Variants in SLC2A12 observed in about 807,000 individuals in gnomAD.
SLC2A12 encodes solute carrier family 2 member 12.
A neutral mutation model predicts 41.8 loss-of-function variants in SLC2A12; 23 were observed. The observed-to-expected ratio is 0.55, with a 90% CI of 0.40 to 0.78. The LOEUF is 0.78. Among genes scored for constraint, SLC2A12 ranks in the 30% least tolerant of loss-of-function variants. The pLI is 0.00. For synonymous variants in SLC2A12, 295 were observed against 285.9 expected, an observed-to-expected ratio of 1.03 and a Z score of -0.32; for missense variants, 654 against 745.6, an observed-to-expected ratio of 0.88 and a Z score of 1.43.
rs1562201687 is a variant in SLC2A12, at chr6:134,032,448, AAAT to A, written c.104-2730_104-2728del. Reference sequence around the variant, plus strand: ...TATTTATATATATATATATATATATAAATATATATATATATATTTTTATATATA... The same window carrying A: ...TATTTATATATATATATATATATATAATATATATATATATTTTTATATATA... On this transcript the variant is annotated intron_variant, in intron 1 of 4. Transcript: ENST00000275230. Among the ~76,000 whole-genome samples the A allele has an allele frequency of 1.0e-3, 36 of 35,140 alleles. 1 individual carries two copies. The highest frequency in any genetic ancestry group is 8.8e-3 in the East Asian group (20 of 2,282). 23.1% of individuals were successfully genotyped at this position (35,140 alleles called of 152,430 possible).
intron 2 of SLC2A12, among the ~76,000 whole-genome samples, chr6:134,022,789 T>TG (rs35288575): frequency 6.6e-6 from 1 of 152,120 alleles, no homozygotes; most frequent in South Asian, 2.1e-4. Context: ...ACAAACAAAA[T>TG]GGAGTCAGGA....
chr6:134,039,862 C>T (rs935603715), intron 1 of SLC2A12, among the ~76,000 whole-genome samples: 1 of 151,866 alleles, frequency 6.6e-6, no homozygotes, highest in Non-Finnish European at 1.5e-5. Context: ...CTCCCTCCAC[C>T]CCACTCTCTC....
chr6:134,028,753 A>G lies in SLC2A12; in HGVS notation c.1072T>C (p.Leu358=). 6.2e-7 allele frequency: 1 copy of G among 1,614,204 alleles called. No homozygotes were observed. The highest frequency in any genetic ancestry group is 8.5e-7 in the Non-Finnish European group (1 of 1,180,026). ...CIGSSVMAAS[L]VTMGIVNLNI... ...AGATTTACGATGCCCATGGTCACCA[A>G]CGAAGCTGCCATCACAGAGGAGCCA... The change falls in exon 2 of 5, where the codon TTG becomes CTG. Residue 358 remains leucine (L), a synonymous_variant. Coordinates refer to ENST00000275230, the MANE Select transcript of SLC2A12 (RefSeq NM_145176.3).
At chr6:134,018,777 C>G (rs915221853) in intron 2 of SLC2A12, among the ~76,000 whole-genome samples, 4 of 150,876 alleles carry the variant, frequency 2.7e-5, no homozygotes, top group Non-Finnish European at 5.9e-5. Flanking sequence ...TTCGTCTGTC[C>G]CTATCACTGG....
chr6:134,027,143 C>T (rs969523260), intron 2 of SLC2A12, among the ~76,000 whole-genome samples: 2 of 152,150 alleles, frequency 1.3e-5, no homozygotes. Context: ...CAGTGTCTGT[C>T]TTGGTCATTA....
intron 2 of SLC2A12, among the ~76,000 whole-genome samples, chr6:134,008,736 T>A (rs928732261): frequency 6.6e-6 from 1 of 152,212 alleles, no homozygotes; most frequent in African/African-American, 2.4e-5. Flanking sequence ...GATAAAATTA[T>A]ATAAATCCGA....
At position 133,989,496 on chromosome 6, in the gene SLC2A12, A is replaced by C. The variant is rs1433893901; in HGVS notation, c.*1659T>G. The C allele has an allele frequency of 6.6e-6, 1 of 152,212 alleles. No individual in the cohort carries two copies. Among genetic ancestry groups the C allele is most frequent in the Non-Finnish European group, 1.5e-5 (1 of 68,038 alleles). 9.4% of individuals were successfully genotyped at this position (152,212 alleles called of 1,614,324 possible). A position where few individuals can be genotyped will look rare whatever the true frequency, so the allele number is the denominator to read the frequency against. On this transcript the variant is annotated 3_prime_UTR_variant, in exon 5 of 5. Transcript: ENST00000275230. The stretch of plus-strand genomic sequence containing the variant: ...TATATATAGAGTTTGAACTATAAAC[A>C]CGGAAGGAAACATGGGGCAGAACAC...
chr6:134,028,214 T>C (rs1562199400), intron 2 of SLC2A12, among the ~76,000 whole-genome samples, 167 bp downstream of exon 2: 1 of 152,224 alleles, frequency 6.6e-6, no homozygotes, highest in Non-Finnish European at 1.5e-5. Context: ...ACTAGCCCTG[T>C]ACTTTTCAGA....
chr6:134,048,907 C>T (rs773489175), intron 1 of SLC2A12, among the ~76,000 whole-genome samples: 14 of 152,156 alleles, frequency 9.2e-5, no homozygotes, highest in Non-Finnish European at 1.5e-5. Flanking sequence ...GTTTCCAAGT[C>T]TCCGTCTCTT....
chr6:134,014,012 A>T (rs1188206217), intron 2 of SLC2A12, among the ~76,000 whole-genome samples: 1 of 152,136 alleles, frequency 6.6e-6, no homozygotes, highest in East Asian at 1.9e-4. Context: ...CTGGAAATTG[A>T]TTTGCTTTGA....
intron 1 of SLC2A12, among the ~76,000 whole-genome samples, chr6:134,043,686 G>T (rs1451891228): frequency 6.6e-6 from 1 of 151,484 alleles, no homozygotes; most frequent in Non-Finnish European, 1.5e-5. Context: ...CAGCTGCTTG[G>T]GAGGCTGAGG....
At chr6:134,002,155 A>G in intron 3 of SLC2A12, 26 bp from the exon 4 acceptor site, 1 of 1,588,490 alleles carries the variant, frequency 6.3e-7, no homozygotes, top group Non-Finnish European at 8.5e-7. Context: ...GAAATTGATT[A>G]GAAATGTGTT....
At chr6:134,032,463 T>A (rs1342074904) in intron 1 of SLC2A12, among the ~76,000 whole-genome samples, 19 of 36,446 alleles carry the variant, frequency 5.2e-4, no homozygotes, top group African/African-American at 1.9e-3. Context: ...TATATATATA[T>A]ATTTTTATAT....
intron 4 of SLC2A12, among the ~76,000 whole-genome samples, chr6:133,996,118 C>A (rs1193038418): frequency 6.6e-6 from 1 of 152,182 alleles, no homozygotes; most frequent in African/African-American, 2.4e-5. Flanking sequence ...GAACCTAGAT[C>A]AGTGCCTGGC....
At chr6:134,037,790 G>A (rs1411772111) in intron 1 of SLC2A12, among the ~76,000 whole-genome samples, 1 of 152,200 alleles carries the variant, frequency 6.6e-6, no homozygotes, top group Non-Finnish European at 1.5e-5. Flanking sequence ...ATGGGTGCCA[G>A]TGCTCAGTAG....
At chr6:134,016,054 G>A (rs1228138359) in intron 2 of SLC2A12, among the ~76,000 whole-genome samples, 1 of 152,110 alleles carries the variant, frequency 6.6e-6, no homozygotes, top group Middle Eastern at 3.2e-3. Flanking sequence ...GGATATTTGG[G>A]TTGGGAGCCA....
chr6:134,010,460 C>A (rs539480706), intron 2 of SLC2A12, among the ~76,000 whole-genome samples: 1 of 152,258 alleles, frequency 6.6e-6, no homozygotes, highest in African/African-American at 2.4e-5. Flanking sequence ...TGGAGTTCAG[C>A]AGGCACGAAA....
intron 2 of SLC2A12, among the ~76,000 whole-genome samples, chr6:134,007,905 T>C (rs115396209): frequency 4.0e-4 from 61 of 152,344 alleles, no homozygotes; most frequent in African/African-American, 1.4e-3. Context: ...CGTGGCATTA[T>C]CCCTAGTAGT....
chr6:134,046,595 G>A (rs1777456941), intron 1 of SLC2A12, among the ~76,000 whole-genome samples: 1 of 152,102 alleles, frequency 6.6e-6, no homozygotes, highest in East Asian at 1.9e-4. Context: ...GAGGCCAGGA[G>A]TTCGAGACCA....
Sources: allele counts gnomAD v4.1 joint callset (sites outside exome capture counted in the v4.1 genomes callset), GRCh38; gene constraint gnomAD v4.1.1; transcripts MANE v1.5; gene names NCBI Gene and HGNC (gene_info 2026-07-23, HGNC 2026-07-21).